Variants in RORA observed in about 807,000 individuals in gnomAD.
RORA encodes nuclear receptor ROR-alpha.
Under a neutral mutation model 69.5 loss-of-function variants are expected in RORA, and 7 were observed. The ratio of observed to expected loss-of-function variants is 0.10; its 90% confidence interval spans 0.06 to 0.19. The LOEUF (loss-of-function observed/expected upper bound fraction) is 0.19. RORA is among the 10% of genes least tolerant of loss of function. The pLI is 1.00. For synonymous variants in RORA, 261 were observed against 240.8 expected, an observed-to-expected ratio of 1.08 and a Z score of -0.78; for missense variants, 457 against 663.0, an observed-to-expected ratio of 0.69 and a Z score of 3.41.
intron 1 of RORA, among the ~76,000 whole-genome samples, chr15:61,145,873 C>G (rs1218160256): frequency 6.6e-6 from 1 of 152,142 alleles, no homozygotes; most frequent in Non-Finnish European, 1.5e-5. Context: ...GGAAACCTAT[C>G]TTAGGGCCCA....
intron 1 of RORA, among the ~76,000 whole-genome samples, chr15:60,739,823 T>G (rs1241422273): frequency 6.6e-6 from 1 of 152,168 alleles, no homozygotes; most frequent in African/African-American, 2.4e-5. Flanking sequence ...AACGATTTCT[T>G]TTTTTAAAGA....
At chr15:61,022,912 C>T (rs1042244374) in intron 1 of RORA, among the ~76,000 whole-genome samples, 14 of 151,984 alleles carry the variant, frequency 9.2e-5, no homozygotes, top group African/African-American at 3.1e-4. Context: ...AGGCCGGGCA[C>T]GGTGGCCCAC....
chr15:60,616,498 A>G (rs928570536), intron 2 of RORA, among the ~76,000 whole-genome samples: 1 of 152,200 alleles, frequency 6.6e-6, no homozygotes, highest in African/African-American at 2.4e-5. Context: ...AAAAGTTAGA[A>G]AATATTCCTT....
chr15:61,170,389 G>T (rs900306683), intron 1 of RORA, among the ~76,000 whole-genome samples: 2 of 152,100 alleles, frequency 1.3e-5, no homozygotes, highest in African/African-American at 4.8e-5. Flanking sequence ...CTTCCTGTTT[G>T]TGTGTCCTGT....
intron 1 of RORA, among the ~76,000 whole-genome samples, chr15:60,944,063 A>G (rs550941697): frequency 6.6e-6 from 1 of 152,252 alleles, no homozygotes; most frequent in South Asian, 2.1e-4. Flanking sequence ...GTCCATTATC[A>G]TGACAGGAAA....
chr15:60,610,249 G>C (rs1326744306), intron 2 of RORA, among the ~76,000 whole-genome samples: 3 of 151,876 alleles, frequency 2.0e-5, no homozygotes, highest in Non-Finnish European at 4.4e-5. Context: ...CAGGGTCTGT[G>C]GGGAATTTTG....
At chr15:60,622,869 C>T (rs1214716406) in intron 2 of RORA, among the ~76,000 whole-genome samples, 1 of 152,046 alleles carries the variant, frequency 6.6e-6, no homozygotes, top group Admixed American at 6.5e-5. Flanking sequence ...GCATGCACCA[C>T]CACACCTGGC....
chr15:61,142,381 A>G (rs974817429), intron 1 of RORA, among the ~76,000 whole-genome samples: 1 of 152,170 alleles, frequency 6.6e-6, no homozygotes, highest in Non-Finnish European at 1.5e-5. Context: ...TAACTCATCA[A>G]ATATGTTCCT....
intron 1 of RORA, among the ~76,000 whole-genome samples, chr15:60,983,844 G>C (rs1240171738): frequency 6.6e-6 from 1 of 152,158 alleles, no homozygotes; most frequent in African/African-American, 2.4e-5. Flanking sequence ...ACCACCTTGA[G>C]CATATGTTCT....
chr15:61,089,923 G>A (rs1226295826), intron 1 of RORA, among the ~76,000 whole-genome samples: 2 of 152,166 alleles, frequency 1.3e-5, no homozygotes, highest in African/African-American at 4.8e-5. Flanking sequence ...CATTCTGAGG[G>A]TAGATAAAAC....
At chr15:61,218,396 C>A (rs1024026383) in intron 1 of RORA, among the ~76,000 whole-genome samples, 1 of 151,996 alleles carries the variant, frequency 6.6e-6, no homozygotes, top group Admixed American at 6.6e-5. Context: ...TAAACTTGAC[C>A]CATCCTGAAA....
intron 1 of RORA, among the ~76,000 whole-genome samples, chr15:60,918,329 C>T (rs1230209810): frequency 6.6e-6 from 1 of 152,240 alleles, no homozygotes; most frequent in African/African-American, 2.4e-5. Flanking sequence ...ATCTTCTTCC[C>T]TCTTCAGGAG....
At chr15:61,070,688 G>T (rs531151151) in intron 1 of RORA, among the ~76,000 whole-genome samples, 1 of 152,274 alleles carries the variant, frequency 6.6e-6, no homozygotes, top group South Asian at 2.1e-4. Flanking sequence ...TTTGTAGATG[G>T]GTAAACTGAA....
At chr15:60,975,076 G>A (rs1453985650) in intron 1 of RORA, among the ~76,000 whole-genome samples, 1 of 152,216 alleles carries the variant, frequency 6.6e-6, no homozygotes, top group Non-Finnish European at 1.5e-5. Flanking sequence ...AGGCTACTGG[G>A]ATTTCAACAA....
At chr15:61,228,805 G>C (rs1345693001) in intron 1 of RORA, among the ~76,000 whole-genome samples, 1 of 151,742 alleles carries the variant, frequency 6.6e-6, no homozygotes, top group African/African-American at 2.4e-5. Flanking sequence ...TGAGCCCGCC[G>C]GCTGTCAACC....
intron 1 of RORA, among the ~76,000 whole-genome samples, chr15:60,939,594 C>T (rs1892626895): frequency 6.6e-6 from 1 of 152,252 alleles, no homozygotes; most frequent in Non-Finnish European, 1.5e-5. Context: ...GTGCCAGCCT[C>T]AGCACAGGGC....
intron 1 of RORA, among the ~76,000 whole-genome samples, chr15:60,810,913 T>G (rs1304474333): frequency 6.6e-6 from 1 of 152,236 alleles, no homozygotes; most frequent in Admixed American, 6.5e-5. Context: ...AATAATGGAT[T>G]AGGCCATTTC....
chr15:61,116,472 C>T (rs185611976), intron 1 of RORA, among the ~76,000 whole-genome samples: 2 of 152,284 alleles, frequency 1.3e-5, no homozygotes, highest in East Asian at 3.9e-4. Flanking sequence ...ACATATTCAC[C>T]TATCACCGGA....
rs1567052505 is a variant in RORA, at chr15:60,516,203, ATATATTT to A, written c.283-1453_283-1447del. Reference sequence around the variant, plus strand: ...TATATATTTATATATATATTTATATATATATTTATATATATATATTTATATATATATT... The same window carrying A: ...TATATATTTATATATATATTTATATAATATATATATATTTATATATATATT... On this transcript the variant is annotated intron_variant, in intron 3 of 10. Coordinates refer to ENST00000335670, the MANE Select transcript of RORA (RefSeq NM_134261.3). 4.8e-3 allele frequency among the ~76,000 whole-genome samples: 136 copies of A among 28,342 alleles called. 5 individuals are homozygous for A. Among genetic ancestry groups the A allele is most frequent in the African/African-American group, 0.035 (133 of 3,796 alleles). 18.6% of individuals were successfully genotyped at this position (28,342 alleles called of 152,430 possible).
Sources: gnomAD v4.1 joint callset for allele counts (sites outside exome capture counted in the v4.1 genomes callset) on GRCh38, gnomAD v4.1.1 for gene constraint, MANE v1.5 for transcripts, NCBI Gene and HGNC (gene_info 2026-07-23, HGNC 2026-07-21) for gene names.